Variants in INTS8 observed in about 807,000 individuals in gnomAD.
INTS8 encodes integrator complex subunit 8, also known as protein kaonashi-1.
Under a neutral mutation model 138.9 loss-of-function variants are expected in INTS8, and 47 were observed. The observed-to-expected ratio is 0.34, with a 90% CI of 0.27 to 0.43. INTS8 has a LOEUF of 0.43. Among genes scored for constraint, INTS8 ranks in the 20% least tolerant of loss-of-function variants. The pLI is 1.00. For missense variants in INTS8, 996 were observed against 1,173.0 expected (o/e 0.85, Z 2.20); for synonymous variants, 392 against 400.9 (o/e 0.98, Z 0.27).
rs1241080719 is a variant in INTS8, at chr8:94,865,490, G to GT, written c.2077-11dup. On this transcript the variant is annotated splice_polypyrimidine_tract_variant and intron_variant, in intron 16 of 26. Transcript: ENST00000523731. ...TTACAGATTATCTTTTGTGTATTTTGTTTTTCATGTTATAGCTTGGACAGC... is the reference window on the plus strand; with the variant it reads ...TTACAGATTATCTTTTGTGTATTTTGTTTTTTCATGTTATAGCTTGGACAGC... The GT allele has an allele frequency of 1.2e-6, 2 of 1,603,848 alleles. No homozygotes were observed. Among genetic ancestry groups the GT allele is most frequent in the Admixed American group, 3.4e-5 (2 of 58,928 alleles).
At chr8:94,825,165 G>A (rs1814444249) in intron 2 of INTS8, 98 bp downstream of exon 2, 3 of 864,248 alleles carry the variant, frequency 3.5e-6, no homozygotes, top group Non-Finnish European at 3.6e-6. Flanking sequence ...TAAAAATTAC[G>A]TGCTGGGCGC....
intron 26 of INTS8, among the ~76,000 whole-genome samples, chr8:94,878,119 GTCCAGAAACTTACGTGTTTTATTT>G (rs1489643789): frequency 5.3e-5 from 8 of 152,072 alleles, no homozygotes; most frequent in African/African-American, 1.9e-4. Flanking sequence ...CCCTGCATAA[GTCCAGAAACTTACGTGTTTTATTT>G]TCTTGGGCCA....
chr8:94,827,891 G>T, intron 4 of INTS8, 98 bp downstream of exon 4: 1 of 1,004,414 alleles, frequency 1.0e-6, no homozygotes, highest in Non-Finnish European at 1.6e-6. Flanking sequence ...AAGAAGTAGA[G>T]CAGGAATAGG....
Position 94,832,006 on chromosome 8 carries a change from T to C in INTS8, c.585T>C (p.Ala195=). The C allele has an allele frequency of 3.1e-6, 5 of 1,598,018 alleles. No homozygotes were observed. Among genetic ancestry groups the C allele is most frequent in the Non-Finnish European group, 4.3e-6 (5 of 1,174,572 alleles). ...GATTTCTGTAGCTCAAAGAACAAGC[T>C]GCTGATTCTATTTTGGTACTAGAAG... ...ENILKVLKEQ[A]ADSILVLEAA... The change falls in exon 6 of 27, where the codon GCT becomes GCC. Residue 195 remains alanine, a synonymous_variant. Transcript: ENST00000523731.
In INTS8 at chr8:94,873,431, C is replaced by G; in HGVS notation, c.2591C>G (p.Ser864Cys). 1 of 1,613,994 alleles carries G rather than the reference C, an allele frequency of 6.2e-7. No individual in the cohort carries two copies. Among genetic ancestry groups the G allele is most frequent in the East Asian group, 2.2e-5 (1 of 44,880 alleles). ...HYYLQAGAVC[S>C]DFFNKAVPPD... Reference sequence around the variant, plus strand: ...TACCTCCAGGCAGGAGCTGTGTGTTCTGACTTCTTTAACAAGGCTGTGCCC... The same window carrying G: ...TACCTCCAGGCAGGAGCTGTGTGTTGTGACTTCTTTAACAAGGCTGTGCCC... The change falls in exon 22 of 27, where the codon TCT becomes TGT. Residue 864 changes from serine to cysteine, a missense_variant. Coordinates refer to ENST00000523731, the MANE Select transcript of INTS8 (RefSeq NM_017864.4).
chr8:94,824,124 A>G (rs1814392148), intron 1 of INTS8, among the ~76,000 whole-genome samples: 1 of 152,234 alleles, frequency 6.6e-6, no homozygotes, highest in Non-Finnish European at 1.5e-5. Flanking sequence ...TAGTGATGAT[A>G]ATGATTAATA....
intron 8 of INTS8, among the ~76,000 whole-genome samples, chr8:94,840,703 G>A (rs746483879): frequency 4.0e-5 from 6 of 150,924 alleles, no homozygotes; most frequent in Non-Finnish European, 7.4e-5. Flanking sequence ...GATTACAGGC[G>A]CCTGCCAACG....
intron 4 of INTS8, 99 bp downstream of exon 4, chr8:94,827,892 C>A: frequency 1.0e-6 from 1 of 1,002,304 alleles, no homozygotes; most frequent in Non-Finnish European, 1.6e-6. Context: ...AGAAGTAGAG[C>A]AGGAATAGGA....
intron 8 of INTS8, among the ~76,000 whole-genome samples, chr8:94,839,589 G>A (rs958085669): frequency 2.0e-5 from 3 of 152,068 alleles, no homozygotes; most frequent in African/African-American, 7.2e-5. Context: ...CTTTTTAAAA[G>A]TATTGCTTTG....
At chr8:94,828,870 C>G in intron 4 of INTS8, 105 bp from the exon 5 acceptor site, 1 of 724,488 alleles carries the variant, frequency 1.4e-6, no homozygotes, top group Non-Finnish European at 2.4e-6. Flanking sequence ...ATTAAAAACA[C>G]TCTTAAATTG....
intron 14 of INTS8, among the ~76,000 whole-genome samples, 172 bp downstream of exon 14, chr8:94,854,087 T>G (rs746460904): frequency 1.3e-4 from 20 of 151,552 alleles, no homozygotes; most frequent in Non-Finnish European, 1.2e-4. Context: ...ATACAAAAAT[T>G]AGCCGGGTGA....
chr8:94,870,457 C>G (rs1421790822), intron 20 of INTS8, among the ~76,000 whole-genome samples: 1 of 152,122 alleles, frequency 6.6e-6, no homozygotes, highest in Non-Finnish European at 1.5e-5. Context: ...CCAGAGAAAA[C>G]AAAATATGAC....
At chr8:94,824,708 C>T (rs114500992) in intron 1 of INTS8, among the ~76,000 whole-genome samples, 185 bp from the exon 2 acceptor site, 2,218 of 148,222 alleles carry the variant, frequency 0.015, 58 homozygotes, top group African/African-American at 0.052. Flanking sequence ...AGGCACACTT[C>T]TTACATACGT....
intron 23 of INTS8, 137 bp downstream of exon 23, chr8:94,874,739 C>G (rs1394187568): frequency 9.6e-6 from 5 of 520,448 alleles, no homozygotes; most frequent in Non-Finnish European, 1.7e-5. Context: ...TTGGCATATT[C>G]TTTAAATTTT....
chr8:94,880,782 A>G lies in INTS8; in HGVS notation c.*548A>G. On this transcript the variant is annotated 3_prime_UTR_variant, in exon 27 of 27. Coordinates refer to ENST00000523731, the MANE Select transcript of INTS8 (RefSeq NM_017864.4). ...ACTAAATTAAAAAAAAAAATTCCTT[A>G]GGGATATCTTAGAGTAGTAAAGTGA... The G allele has an allele frequency of 2.5e-6, 1 of 398,356 alleles. No individual in the cohort carries two copies. The highest frequency in any genetic ancestry group is 2.1e-5 in the African/African-American group (1 of 48,744). The allele number at this position is 398,356 out of a possible 1,614,324, so 24.7% of individuals were successfully genotyped here.
intron 8 of INTS8, among the ~76,000 whole-genome samples, 169 bp from the exon 9 acceptor site, chr8:94,841,322 T>C (rs1815124869): frequency 6.6e-6 from 1 of 152,196 alleles, no homozygotes; most frequent in African/African-American, 2.4e-5. Context: ...AGCAGGGCTG[T>C]TTTTGCCCTT....
At chr8:94,848,694 T>G (rs1815420653) in intron 10 of INTS8, among the ~76,000 whole-genome samples, 1 of 152,228 alleles carries the variant, frequency 6.6e-6, no homozygotes, top group African/African-American at 2.4e-5. Flanking sequence ...ATACTGTATT[T>G]TGTGTGTTTA....
chr8:94,834,187 GC>G (rs2131002582), intron 6 of INTS8, among the ~76,000 whole-genome samples: 1 of 152,166 alleles, frequency 6.6e-6, no homozygotes, highest in South Asian at 2.1e-4. Context: ...TCATTATCAG[GC>G]TTTTTTGTTT....
At chr8:94,865,380 ATAAAATAACTGTGCT>A (rs1264523313) in intron 16 of INTS8, 111 bp from the exon 17 acceptor site, 4 of 712,730 alleles carry the variant, frequency 5.6e-6, no homozygotes, top group African/African-American at 3.6e-5. Context: ...AATGCACAGC[ATAAAATAACTGTGCT>A]TAGTATGTTT....
Sources: allele counts gnomAD v4.1 joint callset (sites outside exome capture counted in the v4.1 genomes callset), GRCh38; gene constraint gnomAD v4.1.1; transcripts MANE v1.5; gene names NCBI Gene and HGNC (gene_info 2026-07-23, HGNC 2026-07-21).